Variants in RNF40 observed in about 807,000 individuals in gnomAD.
RNF40 encodes ring finger protein 40.
RNF40 carries 39 observed loss-of-function variants against 123.3 expected under a neutral mutation model. That is an observed-to-expected ratio of 0.32 (90% CI 0.24 to 0.41). The LOEUF (loss-of-function observed/expected upper bound fraction) is 0.41, where lower values mean the gene tolerates loss of function less well. RNF40 is among the 10% of genes least tolerant of loss of function. RNF40 has a pLI of 1.00. For synonymous variants in RNF40, 538 were observed against 526.0 expected (o/e 1.02, Z -0.31); for missense variants, 1,003 against 1,319.9 (o/e 0.76, Z 3.72).
chr16:30,761,809 C>T, upstream of RNF40: 2 of 1,427,944 alleles, frequency 1.4e-6, no homozygotes, highest in South Asian at 1.4e-5. Flanking sequence ...TCCAGGACAG[C>T]CAGCGCTCGG....
chr16:30,768,095 C>A lies in RNF40; in HGVS notation c.1552-8C>A. 6.2e-7 allele frequency: 1 copy of A among 1,611,798 alleles called. No homozygotes were observed. Among genetic ancestry groups the A allele is most frequent in the Non-Finnish European group, 8.5e-7 (1 of 1,178,382 alleles). ...TGACTTCATCCCTCTTCCTCTCTGC[C>A]TTTGCAGCTCCGGGCCCAGGCCAGT... On this transcript the variant is annotated splice_polypyrimidine_tract_variant and splice_region_variant and intron_variant, in intron 12 of 19. Coordinates refer to ENST00000324685, the MANE Select transcript of RNF40 (RefSeq NM_014771.4). This position sits in a 1 kb window ranked among gnomAD's most constrained non-coding sequence, Gnocchi z 4.1.
At chr16:30,765,117 G>A in intron 6 of RNF40, 58 bp downstream of exon 6, 1 of 1,611,334 alleles carries the variant, frequency 6.2e-7, no homozygotes, top group Non-Finnish European at 8.5e-7. Context: ...TGGGTTAGAT[G>A]GGCACTCAGG....
At chr16:30,765,577 AC>A in intron 8 of RNF40, 78 bp downstream of exon 8, 1 of 1,315,350 alleles carries the variant, frequency 7.6e-7, no homozygotes, top group Non-Finnish European at 1.1e-6. Context: ...AGGACAAAGG[AC>A]AAACATCCAT....
rs2053984332 is a variant in RNF40 at position 30,764,217 on chromosome 16, C to T, written c.481C>T (p.Pro161Ser). The part of the protein sequence containing the change: ...LMQLRPPLSE[P>S]ALAFVVALGA... ...GCAGCTGCGGCCCCCTCTCAGTGAG[C>T]CGGCCTTGGCTTTTGTGGTGGCACT... Residue 161 changes from proline (P) to serine (S), a missense_variant, in exon 5 of 20, where the codon CCG becomes TCG. Pro to Ser is a moderately conservative substitution (Grantham distance 74). Coordinates refer to ENST00000324685, the MANE Select transcript of RNF40 (RefSeq NM_014771.4). 1 of 1,611,206 alleles carries T rather than the reference C, an allele frequency of 6.2e-7. No individual in the cohort carries two copies. The highest frequency in any genetic ancestry group is 8.5e-7 in the Non-Finnish European group (1 of 1,178,664).
chr16:30,776,042 A>G lies in RNF40; in HGVS notation c.*1928A>G, dbSNP rs1435861877. On this transcript the variant is annotated 3_prime_UTR_variant, in exon 20 of 20. Coordinates refer to ENST00000324685, the MANE Select transcript of RNF40 (RefSeq NM_014771.4). ...TGCGAGGGTGGGAAAAACGCAGGAT[A>G]TTGCATCATAGAGACGCGGCCACCT... is the stretch of plus-strand genomic sequence containing the variant. 5 of 152,188 alleles carry G rather than the reference A, an allele frequency of 3.3e-5. No homozygotes were observed. The highest frequency in any genetic ancestry group is 3.3e-4 in the Admixed American group (5 of 15,278). The allele number at this position is 152,188 out of a possible 1,614,324, so 9.4% of individuals were successfully genotyped here. A position where few individuals can be genotyped will look rare whatever the true frequency, so the allele number is the denominator to read the frequency against.
chr16:30,767,693 G>A (rs2054062848), intron 11 of RNF40: 8 of 575,074 alleles, frequency 1.4e-5, no homozygotes, highest in Non-Finnish European at 2.1e-5. Context: ...AAAATCGTAT[G>A]AATAGGCAGT....
chr16:30,761,745 G>C, upstream of RNF40: 1 of 1,522,040 alleles, frequency 6.6e-7, no homozygotes, highest in Non-Finnish European at 8.8e-7. Context: ...TTGCGGTTGA[G>C]CATCTCGCCG....
chr16:30,766,998 C>G lies in RNF40; in HGVS notation c.1429+122C>G. On this transcript the variant is annotated intron_variant, in intron 11 of 19. Coordinates refer to ENST00000324685, the MANE Select transcript of RNF40 (RefSeq NM_014771.4). This position sits in a 1 kb window ranked among gnomAD's most constrained non-coding sequence, Gnocchi z 5.4. Reference sequence around the variant, plus strand: ...TTTTTTTTCACAGAGCCTCGGCTTCCTATGCAAAACAGGGCCTGCACTGCT... The same window carrying G: ...TTTTTTTTCACAGAGCCTCGGCTTCGTATGCAAAACAGGGCCTGCACTGCT... The G allele has an allele frequency of 1.6e-6, 2 of 1,284,540 alleles. No homozygotes were observed. Among genetic ancestry groups the G allele is most frequent in the South Asian group, 1.5e-5 (1 of 66,158 alleles). The allele number at this position is 1,284,540 out of a possible 1,614,324, so 79.6% of individuals were successfully genotyped here.
In RNF40 at chr16:30,775,836, G is replaced by T. The variant is rs2054225725; in HGVS notation, c.*1722G>T. 1 of 152,242 alleles carries T rather than the reference G, an allele frequency of 6.6e-6. No homozygotes were observed. Among genetic ancestry groups the T allele is most frequent in the Non-Finnish European group, 1.5e-5 (1 of 68,074 alleles). The allele number at this position is 152,242 out of a possible 1,614,324, so 9.4% of individuals were successfully genotyped here. A position where few individuals can be genotyped will look rare whatever the true frequency, so the allele number is the denominator to read the frequency against. On this transcript the variant is annotated 3_prime_UTR_variant, in exon 20 of 20. Coordinates refer to ENST00000324685, the MANE Select transcript of RNF40 (RefSeq NM_014771.4). ...GCGGTGGCGCCTTCGGACCCTATTG[G>T]CGCCCGGGACTTAAGCGGGGCCGCC...
In RNF40 at chr16:30,775,585, G is replaced by A; in HGVS notation, c.*1471G>A. The A allele has an allele frequency of 6.3e-6, 1 of 158,408 alleles. No homozygotes were observed. Among genetic ancestry groups the A allele is most frequent in the Non-Finnish European group, 1.4e-5 (1 of 71,528 alleles). 9.8% of individuals were successfully genotyped at this position (158,408 alleles called of 1,614,324 possible). ...GGCTTCACCCCCACACCACTCGAATGCACAGATCGGGACACCTCAGCTGGG... is the reference window on the plus strand; with the variant it reads ...GGCTTCACCCCCACACCACTCGAATACACAGATCGGGACACCTCAGCTGGG... On this transcript the variant is annotated 3_prime_UTR_variant, in exon 20 of 20. Transcript: ENST00000324685.
At chr16:30,765,737 A>G (rs1270697097) in intron 8 of RNF40, among the ~76,000 whole-genome samples, 2 of 152,282 alleles carry the variant, frequency 1.3e-5, no homozygotes, top group Non-Finnish European at 2.9e-5. Context: ...CAGACAAGAA[A>G]TAAATAAAAG....
rs1196592986 is a variant in RNF40 at position 30,766,645 on chromosome 16, C to T, written c.1293+87C>T. ...TTGTGCCTTCCGAGGCCCTGTGTGCCAGCCAGGGGTCCCTGGGGAATAGAT... is the reference window on the plus strand; with the variant it reads ...TTGTGCCTTCCGAGGCCCTGTGTGCTAGCCAGGGGTCCCTGGGGAATAGAT... On this transcript the variant is annotated intron_variant, in intron 10 of 19. Coordinates refer to ENST00000324685, the MANE Select transcript of RNF40 (RefSeq NM_014771.4). The surrounding 1 kb of genome is among the most constrained non-coding windows in gnomAD (Gnocchi z 5.4). 6.9e-5 allele frequency: 110 copies of T among 1,584,958 alleles called. No homozygotes were observed. The highest frequency in any genetic ancestry group is 9.4e-5 in the Non-Finnish European group (109 of 1,163,536).
At position 30,774,210 on chromosome 16, in the gene RNF40, C is replaced by T. The variant is rs575605764; in HGVS notation, c.*96C>T. 129 of 1,329,484 alleles carry T rather than the reference C, an allele frequency of 9.7e-5. No homozygotes were observed. Among genetic ancestry groups the T allele is most frequent in the African/African-American group, 3.8e-4 (26 of 68,142 alleles). The allele number at this position is 1,329,484 out of a possible 1,614,324, so 82.4% of individuals were successfully genotyped here. On this transcript the variant is annotated 3_prime_UTR_variant, in exon 20 of 20. Coordinates refer to ENST00000324685, the MANE Select transcript of RNF40 (RefSeq NM_014771.4). ...GGTCTAGTGGCCCCACCCTCCATTC[C>T]GGACCCCATGGGCCCAGCCCCTGCC... is the stretch of plus-strand genomic sequence containing the variant.
Position 30,774,237 on chromosome 16 carries a change from A to C in RNF40, c.*123A>C. 2 of 1,069,830 alleles carry C rather than the reference A, an allele frequency of 1.9e-6. No homozygotes were observed. Among genetic ancestry groups the C allele is most frequent in the Non-Finnish European group, 2.6e-6 (2 of 758,350 alleles). 66.3% of individuals were successfully genotyped at this position (1,069,830 alleles called of 1,614,324 possible). On this transcript the variant is annotated 3_prime_UTR_variant, in exon 20 of 20. Transcript: ENST00000324685. ...GACCCCATGGGCCCAGCCCCTGCCC[A>C]TCTAGTTGGTTTGGGGACCCTGGTG...
At chr16:30,763,061 G>T (rs2151324907) in intron 2 of RNF40, 57 bp from the exon 3 acceptor site, 2 of 1,594,472 alleles carry the variant, frequency 1.3e-6, no homozygotes, top group Middle Eastern at 1.7e-4. Context: ...CTCTCTCTGT[G>T]ATTGGTTTGT....
At chr16:30,763,660 C>A (rs995069730) in intron 4 of RNF40, 101 bp downstream of exon 4, 2 of 1,232,200 alleles carry the variant, frequency 1.6e-6, no homozygotes, top group Non-Finnish European at 2.3e-6. Flanking sequence ...TATCTTACTA[C>A]TTCTCACGAA....
rs933367917 is a variant in RNF40, at chr16:30,775,725, G to A, written c.*1611G>A. On this transcript the variant is annotated 3_prime_UTR_variant, in exon 20 of 20. Coordinates refer to ENST00000324685, the MANE Select transcript of RNF40 (RefSeq NM_014771.4). ...GGATCCTTCACCGAGGCAGGACTGGGGCTGGCGCCAGAGCCGGTGCGGAGC... is the reference window on the plus strand; with the variant it reads ...GGATCCTTCACCGAGGCAGGACTGGAGCTGGCGCCAGAGCCGGTGCGGAGC... 5.9e-5 allele frequency: 9 copies of A among 152,672 alleles called. No homozygotes were observed. Among genetic ancestry groups the A allele is most frequent in the Admixed American group, 5.9e-4 (9 of 15,330 alleles). 9.5% of individuals were successfully genotyped at this position (152,672 alleles called of 1,614,324 possible).
Position 30,765,226 on chromosome 16 carries a change from C to T in RNF40, c.817C>T (p.Leu273=). ...AGTGACATCGGCAGAGACCAAGGTG[C>T]TGGAGATGGAGACAACAGTGGAGGA... ...DKVTSAETKV[L]EMETTVEDLQ... Residue 273 remains leucine (L), a synonymous_variant, in exon 7 of 20, where the codon CTG becomes TTG. Coordinates refer to ENST00000324685, the MANE Select transcript of RNF40 (RefSeq NM_014771.4). 1.2e-6 allele frequency: 2 copies of T among 1,614,206 alleles called. No homozygotes were observed. Among genetic ancestry groups the T allele is most frequent in the Non-Finnish European group, 1.7e-6 (2 of 1,180,030 alleles).
intron 2 of RNF40, 30 bp from the exon 3 acceptor site, chr16:30,763,088 T>C: frequency 1.2e-6 from 2 of 1,611,902 alleles, no homozygotes; most frequent in Non-Finnish European, 1.7e-6. Flanking sequence ...TGCTTGACGC[T>C]CTCGTCGGCC....
Sources: allele counts gnomAD v4.1 joint callset (sites outside exome capture counted in the v4.1 genomes callset), GRCh38; gene constraint gnomAD v4.1.1; non-coding constraint Gnocchi (gnomAD v3.1); transcripts MANE v1.5; gene names NCBI Gene and HGNC (gene_info 2026-07-23, HGNC 2026-07-21).